Variants in TAOK1 observed in about 807,000 individuals in gnomAD.
TAOK1 encodes the protein TAO kinase 1, also known as serine/threonine-protein kinase TAO1.
A neutral mutation model predicts 138.3 loss-of-function variants in TAOK1; 21 were observed. The ratio of observed to expected loss-of-function variants is 0.15; its 90% CI spans 0.11 to 0.22. The LOEUF (loss-of-function observed/expected upper bound fraction) is 0.22. TAOK1 is among the 10% of genes least tolerant of loss of function. The pLI, the probability that TAOK1 is intolerant of heterozygous loss-of-function variation, is 1.00. For missense variants in TAOK1, 651 were observed against 1,227.7 expected (o/e 0.53, Z 7.02); for synonymous variants, 361 against 398.4 (o/e 0.91, Z 1.12).
chr17:29,522,187 T>C (rs2031932648), intron 16 of TAOK1, 93 bp from the exon 17 acceptor site: 3 of 1,475,698 alleles, frequency 2.0e-6, no homozygotes, highest in Middle Eastern at 1.9e-4. Flanking sequence ...CAGGGTTAAT[T>C]ACATCTGTTT....
At chr17:29,399,224 G>A (rs1567707261) in intron 1 of TAOK1, among the ~76,000 whole-genome samples, 1 of 152,062 alleles carries the variant, frequency 6.6e-6, no homozygotes, top group Non-Finnish European at 1.5e-5. Context: ...AGCTCAAGTG[G>A]TTCCACCTGC....
chr17:29,448,236 C>T (rs891090521), intron 1 of TAOK1, among the ~76,000 whole-genome samples: 9 of 151,624 alleles, frequency 5.9e-5, no homozygotes, highest in Non-Finnish European at 1.2e-4. Flanking sequence ...TTCTGATGTT[C>T]GGTTTGAGGA....
intron 8 of TAOK1, among the ~76,000 whole-genome samples, chr17:29,486,356 A>C (rs531195106): frequency 6.6e-6 from 1 of 152,198 alleles, no homozygotes; most frequent in South Asian, 2.1e-4. Flanking sequence ...GGCCGAGTGC[A>C]GTTCAGTGGC....
At chr17:29,436,326 A>G (rs188701661) in intron 1 of TAOK1, among the ~76,000 whole-genome samples, 1 of 152,312 alleles carries the variant, frequency 6.6e-6, no homozygotes, top group East Asian at 1.9e-4. Flanking sequence ...TGACTCTGAA[A>G]AACCAAACAA....
intron 9 of TAOK1, among the ~76,000 whole-genome samples, chr17:29,490,616 C>A (rs755531167): frequency 6.6e-6 from 1 of 152,126 alleles, no homozygotes; most frequent in African/African-American, 2.4e-5. Context: ...TTCTATATAA[C>A]TCTACTTTGT....
At chr17:29,492,026 A>G (rs528803316) in intron 10 of TAOK1, among the ~76,000 whole-genome samples, 161 bp downstream of exon 10, 325 of 152,268 alleles carry the variant, frequency 2.1e-3, no homozygotes, top group African/African-American at 7.5e-3. Flanking sequence ...CCGGGACTAC[A>G]GACACATGCC....
chr17:29,533,686 C>T (rs1474445696), intron 18 of TAOK1, among the ~76,000 whole-genome samples: 1 of 151,824 alleles, frequency 6.6e-6, no homozygotes, highest in Admixed American at 6.6e-5. Context: ...CAAAAAAATA[C>T]GAAAACCAGT....
chr17:29,391,210 A>G (rs895712944), intron 1 of TAOK1, among the ~76,000 whole-genome samples, 186 bp downstream of exon 1: 1 of 152,082 alleles, frequency 6.6e-6, no homozygotes, highest in Non-Finnish European at 1.5e-5. Flanking sequence ...TTAAGGGGCG[A>G]GAGCAATTCC....
Position 29,544,126 on chromosome 17 carries a change from G to A in TAOK1, c.*1104G>A, listed in dbSNP as rs943968954. ...CAAATTGCCATCTATTGAAATTCTC[G>A]TCACACTACATAGACATAATTGTTA... On this transcript the variant is annotated 3_prime_UTR_variant, in exon 20 of 20. Coordinates refer to ENST00000261716, the MANE Select transcript of TAOK1 (RefSeq NM_020791.4). 2.6e-5 allele frequency: 4 copies of A among 152,514 alleles called. No individual in the cohort carries two copies. Among genetic ancestry groups the A allele is most frequent in the South Asian group, 2.1e-4 (1 of 4,828 alleles). The allele number at this position is 152,514 out of a possible 1,614,324, so 9.4% of individuals were successfully genotyped here. A position where few individuals can be genotyped will look rare whatever the true frequency, so the allele number is the denominator to read the frequency against.
chr17:29,453,352 C>A (rs865901346), intron 2 of TAOK1, among the ~76,000 whole-genome samples: 1 of 151,384 alleles, frequency 6.6e-6, no homozygotes, highest in African/African-American at 2.4e-5. Flanking sequence ...GTAGAGACAG[C>A]GTTTCACCGT....
At position 29,495,736 on chromosome 17, in the gene TAOK1, TA is replaced by T. The variant is rs758992037; in HGVS notation, c.999+16del. 1.6e-5 allele frequency: 26 copies of T among 1,576,726 alleles called. No homozygotes were observed. The African/African-American group carries it at 2.0e-4, about 12-fold the overall frequency. ...CACAGGAAGAAGAAGAGGTAAGAGA[TA>T]AAAAAATGACTCCAATATTGAATTT... On this transcript the variant is annotated intron_variant, in intron 11 of 19. Coordinates refer to ENST00000261716, the MANE Select transcript of TAOK1 (RefSeq NM_020791.4).
intron 6 of TAOK1, among the ~76,000 whole-genome samples, chr17:29,479,892 T>C (rs1368711963): frequency 6.6e-6 from 1 of 152,116 alleles, no homozygotes; most frequent in African/African-American, 2.4e-5. Context: ...TGCTGACGTT[T>C]GGAAATGATA....
intron 3 of TAOK1, among the ~76,000 whole-genome samples, chr17:29,471,911 T>G (rs146600239): frequency 7.2e-4 from 109 of 152,360 alleles, no homozygotes; most frequent in African/African-American, 2.5e-3. Flanking sequence ...AGAAATTACT[T>G]TCTTTGCCCA....
At chr17:29,513,177 TG>T (rs1360519985) in intron 15 of TAOK1, 1 of 151,990 alleles carries the variant, frequency 6.6e-6, no homozygotes, top group Non-Finnish European at 1.5e-5. Flanking sequence ...TAATGATTTT[TG>T]TATGTGTAGG....
intron 19 of TAOK1, among the ~76,000 whole-genome samples, chr17:29,535,182 A>T (rs2032202157): frequency 6.6e-6 from 1 of 151,664 alleles, no homozygotes; most frequent in South Asian, 2.1e-4. Context: ...GTGGTGGCTC[A>T]CTCCTGTGGT....
chr17:29,397,672 T>TATACATGTATACATGTATATTCATGTATG (rs1598462850), intron 1 of TAOK1, among the ~76,000 whole-genome samples: 2,828 of 59,050 alleles, frequency 0.048, 244 homozygotes, highest in African/African-American at 0.16. Flanking sequence ...ATGATACATG[T>TATACATGTATACATGTATATTCATGTATG]ATACATGTAT....
chr17:29,473,080 T>A (rs1367893670), intron 3 of TAOK1, among the ~76,000 whole-genome samples: 1 of 152,212 alleles, frequency 6.6e-6, no homozygotes, highest in Non-Finnish European at 1.5e-5. Context: ...AACCGTGGCC[T>A]TAAAATATTC....
intron 1 of TAOK1, among the ~76,000 whole-genome samples, chr17:29,446,854 T>G (rs542678890): frequency 1.3e-5 from 2 of 151,842 alleles, no homozygotes; most frequent in Non-Finnish European, 2.9e-5. Context: ...TTCTCCTGCT[T>G]CAGCCTCCTG....
chr17:29,435,364 T>A (rs931814190), intron 1 of TAOK1, among the ~76,000 whole-genome samples: 3 of 152,218 alleles, frequency 2.0e-5, no homozygotes, highest in African/African-American at 7.2e-5. Flanking sequence ...AAAATCATGA[T>A]AGGACTGAGT....
Sources: allele counts gnomAD v4.1 joint callset (sites outside exome capture counted in the v4.1 genomes callset), GRCh38; gene constraint gnomAD v4.1.1; transcripts MANE v1.5; gene names NCBI Gene and HGNC (gene_info 2026-07-23, HGNC 2026-07-21).